IQCE: variants seen among roughly 807,000 people sequenced by gnomAD.
IQCE encodes IQ motif containing E.
In IQCE, 115 loss-of-function variants were observed where a neutral mutation model predicts 96.0. The ratio of observed to expected loss-of-function variants is 1.20; its 90% CI spans 1.03 to 1.40. IQCE has a LOEUF of 1.40. IQCE is among the 40% of genes most tolerant of loss of function. The pLI, the probability that IQCE is intolerant of heterozygous loss-of-function variation, is 0.00. For synonymous variants in IQCE, 412 were observed against 371.2 expected, an observed-to-expected ratio of 1.11 and a Z score of -1.26; for missense variants, 1,041 against 909.1, an observed-to-expected ratio of 1.15 and a Z score of -1.87.
chr7:2,586,458 A>G, intron 12 of IQCE, 87 bp downstream of exon 12: 1 of 1,368,604 alleles, frequency 7.3e-7, no homozygotes, highest in Non-Finnish European at 1.0e-6. Context: ...CCAACTGAGG[A>G]CAGGCACCAC....
chr7:2,597,087 C>T (rs765681304), intron 16 of IQCE: 5 of 470,934 alleles, frequency 1.1e-5, no homozygotes, highest in South Asian at 6.2e-5. Context: ...CAGGGTCGTG[C>T]GGAAGACCTG....
intron 8 of IQCE, among the ~76,000 whole-genome samples, chr7:2,579,676 G>T (rs1463979248): frequency 2.0e-5 from 3 of 151,210 alleles, no homozygotes; most frequent in Non-Finnish European, 4.4e-5. Context: ...TAAAGAAAAG[G>T]CTCCATGTTT....
At chr7:2,595,012 G>GA in intron 16 of IQCE, 36 bp downstream of exon 16, 1 of 1,446,834 alleles carries the variant, frequency 6.9e-7, no homozygotes, top group Non-Finnish European at 9.7e-7. Context: ...CCCGTCAGGT[G>GA]CGGTGAGACT....
intron 14 of IQCE, among the ~76,000 whole-genome samples, chr7:2,590,360 C>T (rs1318143186): frequency 6.6e-6 from 1 of 152,260 alleles, no homozygotes; most frequent in African/African-American, 2.4e-5. Flanking sequence ...CGGGGTTAAA[C>T]AATTGTCAAT....
At position 2,567,112 on chromosome 7, in the gene IQCE, C is replaced by G. The variant is rs1167600348; in HGVS notation, c.37-4C>G. On this transcript the variant is annotated splice_polypyrimidine_tract_variant and splice_region_variant and intron_variant, in intron 1 of 21. Coordinates refer to ENST00000402050, the MANE Select transcript of IQCE (RefSeq NM_152558.5). The stretch of plus-strand genomic sequence containing the variant: ...AGTTACAGTGTTTGCCTCTCTTCCT[C>G]CAGGGAGATGACAGTCTGTCTGCAG... The G allele has an allele frequency of 6.2e-6, 10 of 1,613,582 alleles. No homozygotes were observed. Among genetic ancestry groups the G allele is most frequent in the African/African-American group, 1.3e-5 (1 of 75,054 alleles).
At chr7:2,563,893 C>CAAA (rs34269895) in intron 1 of IQCE, among the ~76,000 whole-genome samples, 70 of 59,858 alleles carry the variant, frequency 1.2e-3, no homozygotes, top group African/African-American at 1.7e-3. Flanking sequence ...GACTCCATCT[C>CAAA]AAAAAAAAAA....
In IQCE at chr7:2,594,498, G is replaced by A. The variant is rs956739142; in HGVS notation, c.1350-388G>A. On this transcript the variant is annotated intron_variant, in intron 15 of 21. Transcript: ENST00000402050. ...TTATCTCAAATGCTTGGGCTCAAGCGATCCTCTGGCCTTGGCCTCCTAGAG... is the reference window on the plus strand; with the variant it reads ...TTATCTCAAATGCTTGGGCTCAAGCAATCCTCTGGCCTTGGCCTCCTAGAG... Among the ~76,000 whole-genome samples, 8 of 152,354 alleles carry A rather than the reference G, an allele frequency of 5.3e-5. No individual in the cohort carries two copies. The South Asian group carries it at 6.2e-4, about 12-fold the overall frequency.
Position 2,610,202 on chromosome 7 carries a change from C to T in IQCE, c.*40C>T, listed in dbSNP as rs554198743. ...CTCCACGCCGTGATGGCAGCGCTGC[C>T]GAGGACATAGGAACCACGACTGGAA... is the stretch of plus-strand genomic sequence containing the variant. On this transcript the variant is annotated 3_prime_UTR_variant, in exon 22 of 22. Coordinates refer to ENST00000402050, the MANE Select transcript of IQCE (RefSeq NM_152558.5). The T allele has an allele frequency of 9.2e-6, 11 of 1,201,646 alleles. No homozygotes were observed. The highest frequency in any genetic ancestry group is 4.6e-5 in the East Asian group (2 of 43,088). The allele number at this position is 1,201,646 out of a possible 1,614,324, so 74.4% of individuals were successfully genotyped here. A position where few individuals can be genotyped will look rare whatever the true frequency, so the allele number is the denominator to read the frequency against.
In IQCE at chr7:2,571,566, G is replaced by A. The variant is rs1781756609; in HGVS notation, c.171G>A (p.Trp57Ter). ...CTAAGCCGAGAAAAGTGGCCTCCTG[G>A]AGGTCCCTCAGGACGGCAGGGAGCA... Reference protein sequence around the residue: ...YLSKPRKVASWRSLRTAGSMP... With the variant: ...YLSKPRKVAS Residue 57 changes from tryptophan (W) to a stop codon, truncating the protein, a stop_gained, in exon 4 of 22, where the codon TGG becomes TGA. Transcript: ENST00000402050. LOFTEE classifies it high-confidence loss of function. The A allele has an allele frequency of 6.2e-7, 1 of 1,605,246 alleles. No homozygotes were observed. Among genetic ancestry groups the A allele is most frequent in the Non-Finnish European group, 8.5e-7 (1 of 1,179,970 alleles).
rs774489119 is a variant in IQCE, at chr7:2,610,182, C to T, written c.*20C>T. 4.3e-6 allele frequency: 6 copies of T among 1,398,440 alleles called. No individual in the cohort carries two copies. Among genetic ancestry groups the T allele is most frequent in the Middle Eastern group, 1.7e-4 (1 of 5,730 alleles). The allele number at this position is 1,398,440 out of a possible 1,614,324, so 86.6% of individuals were successfully genotyped here. A position where few individuals can be genotyped will look rare whatever the true frequency, so the allele number is the denominator to read the frequency against. ...GTTTAGGTCCCCGTCACTGTCTCCA[C>T]GCCGTGATGGCAGCGCTGCCGAGGA... On this transcript the variant is annotated 3_prime_UTR_variant, in exon 22 of 22. Coordinates refer to ENST00000402050, the MANE Select transcript of IQCE (RefSeq NM_152558.5).
intron 13 of IQCE, among the ~76,000 whole-genome samples, chr7:2,588,286 T>C (rs1783289416): frequency 6.6e-6 from 1 of 152,142 alleles, no homozygotes; most frequent in African/African-American, 2.4e-5. Context: ...ACATCCCCTA[T>C]GCGACTGCAA....
intron 8 of IQCE, 44 bp from the exon 9 acceptor site, chr7:2,582,534 AGG>A: frequency 6.5e-7 from 1 of 1,548,752 alleles, no homozygotes; most frequent in South Asian, 1.1e-5. Context: ...GCTTCTACTG[AGG>A]GAGAGAGGGC....
chr7:2,569,672 G>A (rs889099317), intron 3 of IQCE, among the ~76,000 whole-genome samples: 11 of 152,108 alleles, frequency 7.2e-5, no homozygotes, highest in African/African-American at 2.4e-4. Context: ...ATCCTAGGCC[G>A]GCATCCTGTG....
intron 8 of IQCE, among the ~76,000 whole-genome samples, chr7:2,581,308 C>T (rs773662194): frequency 3.3e-5 from 5 of 151,884 alleles, no homozygotes; most frequent in Admixed American, 6.6e-5. Flanking sequence ...CATGTTCAAG[C>T]GATTCTCCTG....
rs768607113 is a variant in IQCE at position 2,609,397 on chromosome 7, C to T, written c.1970-647C>T. On this transcript the variant is annotated intron_variant, in intron 21 of 21. Coordinates refer to ENST00000402050, the MANE Select transcript of IQCE (RefSeq NM_152558.5). Reference sequence around the variant, plus strand: ...CTGGGTTCAAGCCACCCTCCCACCTCGGCCTCCAGAGTCCTGGGGTTACAG... The same window carrying T: ...CTGGGTTCAAGCCACCCTCCCACCTTGGCCTCCAGAGTCCTGGGGTTACAG... Among the ~76,000 whole-genome samples, 11 of 151,752 alleles carry T rather than the reference C, an allele frequency of 7.2e-5. No individual in the cohort carries two copies. In the Middle Eastern group the frequency reaches 0.01, roughly 141 times the overall value.
chr7:2,586,935 G>T (rs35750783), intron 12 of IQCE, among the ~76,000 whole-genome samples: 1 of 152,196 alleles, frequency 6.6e-6, no homozygotes, highest in Non-Finnish European at 1.5e-5. Context: ...GTGGAGGGGG[G>T]CCGTGCTGCT....
chr7:2,600,556 C>G (rs529086435), intron 17 of IQCE, among the ~76,000 whole-genome samples: 9 of 152,304 alleles, frequency 5.9e-5, no homozygotes, highest in Admixed American at 5.2e-4. Context: ...CTCGTCCTCC[C>G]GAAAGCGTGG....
intron 8 of IQCE, 70 bp downstream of exon 8, chr7:2,578,596 G>C: frequency 1.3e-6 from 2 of 1,530,620 alleles, no homozygotes; most frequent in South Asian, 2.2e-5. Flanking sequence ...ACAGAGGGAC[G>C]CCTTTCCCTG....
Position 2,573,455 on chromosome 7 carries a change from A to G in IQCE, c.432A>G (p.Glu144=), listed in dbSNP as rs778453815. The G allele has an allele frequency of 1.3e-6, 2 of 1,546,746 alleles. No individual in the cohort carries two copies. Among genetic ancestry groups the G allele is most frequent in the Middle Eastern group, 1.7e-4 (1 of 5,956 alleles). ...VPGTPVYREK[E]DMYDEIIELK... ...GGACTCCTGTCTACAGAGAAAAAGAAGATATGTATGACGAGATTATTGAGT... is the reference window on the plus strand; with the variant it reads ...GGACTCCTGTCTACAGAGAAAAAGAGGATATGTATGACGAGATTATTGAGT... Residue 144 remains glutamate, a synonymous_variant, in exon 6 of 22, where the codon GAA becomes GAG. Coordinates refer to ENST00000402050, the MANE Select transcript of IQCE (RefSeq NM_152558.5).
Sources: allele counts gnomAD v4.1 joint callset (sites outside exome capture counted in the v4.1 genomes callset), GRCh38; gene constraint gnomAD v4.1.1; transcripts MANE v1.5; gene names NCBI Gene and HGNC (gene_info 2026-07-23, HGNC 2026-07-21).